Variants in RBM33 observed in about 807,000 individuals in gnomAD.
RBM33 encodes the protein RNA binding motif protein 33.
In RBM33, 28 loss-of-function variants were observed where a neutral mutation model predicts 132.6. The observed-to-expected ratio is 0.21, with a 90% CI of 0.16 to 0.29. RBM33 has a LOEUF of 0.29. Ranked by LOEUF, RBM33 falls within the 10% of genes least tolerant of loss-of-function variation. The pLI is 1.00. For missense variants in RBM33, 1,291 were observed against 1,518.5 expected (o/e 0.85, Z 2.49); for synonymous variants, 634 against 593.0 (o/e 1.07, Z -1.01).
chr7:155,682,771 G>T (rs1444802909), intron 5 of RBM33, among the ~76,000 whole-genome samples: 3 of 152,158 alleles, frequency 2.0e-5, no homozygotes, highest in Admixed American at 6.5e-5. Flanking sequence ...TTTCACTTTG[G>T]TGTTCTTGCA....
intron 9 of RBM33, among the ~76,000 whole-genome samples, chr7:155,725,036 G>GTGTA (rs1491404108): frequency 7.1e-6 from 1 of 140,562 alleles, no homozygotes; most frequent in East Asian, 2.0e-4. Context: ...GTGTGTGTGT[G>GTGTA]TACAGATTTT....
chr7:155,701,773 C>T (rs1417858941), intron 6 of RBM33, among the ~76,000 whole-genome samples: 2 of 152,044 alleles, frequency 1.3e-5, no homozygotes, highest in African/African-American at 2.4e-5. Flanking sequence ...CAGCAACCAC[C>T]GCCTCCCAGG....
intron 14 of RBM33, among the ~76,000 whole-genome samples, chr7:155,752,912 T>C (rs1801730398): frequency 6.6e-6 from 1 of 152,172 alleles, no homozygotes; most frequent in Admixed American, 6.5e-5. Flanking sequence ...CATCTGACCG[T>C]GTGTTTTCAG....
intron 14 of RBM33, among the ~76,000 whole-genome samples, chr7:155,753,586 G>A (rs1801753594): frequency 6.6e-6 from 1 of 152,216 alleles, no homozygotes; most frequent in Non-Finnish European, 1.5e-5. Flanking sequence ...AGATAGAAGC[G>A]ACTCAGAAGT....
chr7:155,649,606 TC>T (rs918668537), intron 1 of RBM33, among the ~76,000 whole-genome samples: 37 of 151,628 alleles, frequency 2.4e-4, no homozygotes, highest in Admixed American at 2.1e-3. Context: ...AGTCAGAATG[TC>T]CCCCCCCTTT....
intron 14 of RBM33, among the ~76,000 whole-genome samples, chr7:155,755,672 A>G (rs542109074): frequency 6.6e-6 from 1 of 152,338 alleles, no homozygotes; most frequent in Admixed American, 6.5e-5. Flanking sequence ...AGTCAGTGAT[A>G]GCACTTCTTC....
chr7:155,678,908 G>A (rs1301724710), intron 4 of RBM33, among the ~76,000 whole-genome samples: 15 of 152,120 alleles, frequency 9.9e-5, no homozygotes, highest in African/African-American at 2.9e-4. Context: ...GTTGTAGCTC[G>A]TGCCTATAAA....
intron 1 of RBM33, among the ~76,000 whole-genome samples, chr7:155,657,693 A>G (rs919979863): frequency 6.6e-6 from 1 of 152,144 alleles, no homozygotes; most frequent in African/African-American, 2.4e-5. Flanking sequence ...TTAATTAGCA[A>G]TGTCTGCCAT....
Position 155,741,797 on chromosome 7 carries a change from A to T in RBM33, c.2050-22A>T, listed in dbSNP as rs201609687. The stretch of plus-strand genomic sequence containing the variant: ...TGCCAAGTTTCCACTTACAATTAGA[A>T]TCTCTTTCTTTTTGTGAAAAGAATA... On this transcript the variant is annotated intron_variant, in intron 12 of 17. Transcript: ENST00000401878. 73 of 1,589,570 alleles carry T rather than the reference A, an allele frequency of 4.6e-5. No individual in the cohort carries two copies. In the East Asian group the frequency reaches 1.6e-3, roughly 34 times the overall value.
At chr7:155,703,586 A>G (rs552480838) in intron 6 of RBM33, among the ~76,000 whole-genome samples, 105 of 152,348 alleles carry the variant, frequency 6.9e-4, no homozygotes, top group African/African-American at 2.4e-3. Flanking sequence ...AGATAACTGT[A>G]AAGTTAGGAT....
In RBM33 at chr7:155,739,931, A is replaced by G. The variant is rs756255082; in HGVS notation, c.1954A>G (p.Met652Val). Residue 652 changes from methionine (M) to valine (V), a missense_variant, in exon 12 of 18, where the codon ATG becomes GTG. Physicochemically the swap from Met to Val is conservative, Grantham distance 21. Transcript: ENST00000401878. Reference protein sequence around the residue: ...LSVPPPPLMPMSQPQFRPHVQ... With the variant: ...LSVPPPPLMPVSQPQFRPHVQ... ...CGTCCCGCCCCCTCCTTTGATGCCG[A>G]TGTCTCAGCCACAGTTCCGGCCTCA... 1 of 1,551,676 alleles carries G rather than the reference A, an allele frequency of 6.4e-7. No individual in the cohort carries two copies. Among genetic ancestry groups the G allele is most frequent in the Admixed American group, 2.0e-5 (1 of 50,914 alleles).
At chr7:155,710,610 CTT>C (rs1284615142) in intron 7 of RBM33, among the ~76,000 whole-genome samples, 1 of 152,198 alleles carries the variant, frequency 6.6e-6, no homozygotes, top group Non-Finnish European at 1.5e-5. Context: ...GCTGCTTCTG[CTT>C]TTTTCTGGGT....
chr7:155,693,204 G>A (rs560804389), intron 5 of RBM33, among the ~76,000 whole-genome samples: 128 of 152,210 alleles, frequency 8.4e-4, no homozygotes, highest in Non-Finnish European at 1.6e-3. Context: ...TACTGTAAGC[G>A]AGAAATATTC....
At chr7:155,655,220 C>T (rs1798459075) in intron 1 of RBM33, among the ~76,000 whole-genome samples, 1 of 152,130 alleles carries the variant, frequency 6.6e-6, no homozygotes, top group Admixed American at 6.5e-5. Flanking sequence ...GGAGAATTCC[C>T]CCCCATTATA....
chr7:155,762,882 C>T (rs186631736), intron 14 of RBM33, among the ~76,000 whole-genome samples: 104 of 152,352 alleles, frequency 6.8e-4, no homozygotes, highest in African/African-American at 2.2e-3. Flanking sequence ...CAAGTCCAAG[C>T]ATCCATCCTG....
At chr7:155,693,037 C>T (rs1275537663) in intron 5 of RBM33, among the ~76,000 whole-genome samples, 1 of 152,154 alleles carries the variant, frequency 6.6e-6, no homozygotes, top group African/African-American at 2.4e-5. Context: ...TTCCCTTCAG[C>T]TCCCCCTGTA....
At chr7:155,698,658 A>G (rs939803751) in intron 5 of RBM33, among the ~76,000 whole-genome samples, 1 of 152,216 alleles carries the variant, frequency 6.6e-6, no homozygotes, top group Non-Finnish European at 1.5e-5. Flanking sequence ...CCATCACTCA[A>G]AAATATTCCT....
chr7:155,741,199 C>T (rs1476143773), intron 12 of RBM33, among the ~76,000 whole-genome samples: 3 of 152,158 alleles, frequency 2.0e-5, no homozygotes, highest in East Asian at 3.9e-4. Context: ...ACCTGCGGGA[C>T]CTCGGAGATC....
intron 2 of RBM33, among the ~76,000 whole-genome samples, chr7:155,672,370 C>T (rs1170360798): frequency 1.3e-5 from 2 of 152,144 alleles, no homozygotes; most frequent in East Asian, 1.9e-4. Flanking sequence ...AAAGCCTCCC[C>T]ATACTTAAAA....
Sources: gnomAD v4.1 joint callset for allele counts (sites outside exome capture counted in the v4.1 genomes callset) on GRCh38, gnomAD v4.1.1 for gene constraint, MANE v1.5 for transcripts, NCBI Gene and HGNC (gene_info 2026-07-23, HGNC 2026-07-21) for gene names.